TSGA10IP: variants seen among roughly 807,000 people sequenced by gnomAD.
The protein encoded by TSGA10IP is testis specific 10 interacting protein.
TSGA10IP carries 64 observed loss-of-function variants against 63.2 expected under a neutral mutation model. The observed-to-expected ratio is 1.01, with a 90% CI of 0.83 to 1.25. TSGA10IP has a LOEUF of 1.25. TSGA10IP is among the 50% of genes most tolerant of loss of function. The pLI is 0.00. For synonymous variants in TSGA10IP, 316 were observed against 298.3 expected (o/e 1.06, Z -0.61); for missense variants, 681 against 710.1 (o/e 0.96, Z 0.47).
At position 65,953,745 on chromosome 11, in the gene TSGA10IP, G is replaced by T; in HGVS notation, c.1322+8G>T. On this transcript the variant is annotated splice_region_variant and intron_variant, in intron 5 of 7. Transcript: ENST00000532620. ...CAAGCTGGAGGAGCTGAGGTAGGGA[G>T]CCTGGGCTTCGGGAGGCCTGGTTGG... 1.3e-6 allele frequency: 2 copies of T among 1,507,448 alleles called. No individual in the cohort carries two copies. The highest frequency in any genetic ancestry group is 1.8e-6 in the Non-Finnish European group (2 of 1,135,694). 93.4% of individuals were successfully genotyped at this position (1,507,448 alleles called of 1,614,324 possible). A position where few individuals can be genotyped will look rare whatever the true frequency, so the allele number is the denominator to read the frequency against.
At chr11:65,949,215 A>G (rs1854900331) in intron 4 of TSGA10IP, among the ~76,000 whole-genome samples, 1 of 152,082 alleles carries the variant, frequency 6.6e-6, no homozygotes, top group Admixed American at 6.6e-5. Flanking sequence ...AAAGCAAAGG[A>G]GACAGTGGGA....
chr11:65,947,164 G>C (rs1841557625), exon 3 of TSGA10IP: 1 of 1,610,940 alleles, frequency 6.2e-7, no homozygotes, highest in Non-Finnish European at 8.5e-7. Flanking sequence ...GGGCCTGGGA[G>C]AGCATCGCCA....
At position 65,952,124 on chromosome 11, in the gene TSGA10IP, G is replaced by A. The variant is rs534764955; in HGVS notation, c.1152-1443G>A. 1.6e-4 allele frequency among the ~76,000 whole-genome samples: 25 copies of A among 152,258 alleles called. No individual in the cohort carries two copies. The East Asian group carries it at 4.8e-3, about 29-fold the overall frequency. On this transcript the variant is annotated intron_variant, in intron 4 of 7. Transcript: ENST00000532620. ...CCGCCTTGGCCTCCCAAAGTGCTGG[G>A]ATTTCAGGCAACAGCCGTCGCGCCT...
intron 5 of TSGA10IP, among the ~76,000 whole-genome samples, chr11:65,955,421 C>T (rs573316777): frequency 1.3e-5 from 2 of 152,040 alleles, no homozygotes; most frequent in East Asian, 1.9e-4. Flanking sequence ...GCCTGGCCAA[C>T]GTAATGAAAC....
chr11:65,949,270 T>G (rs934873758), intron 4 of TSGA10IP, among the ~76,000 whole-genome samples: 14 of 151,998 alleles, frequency 9.2e-5, no homozygotes, highest in African/African-American at 3.1e-4. Flanking sequence ...TTGGCAACAC[T>G]GAGGTGAGGA....
chr11:65,948,513 T>C (rs1854886888), intron 4 of TSGA10IP, among the ~76,000 whole-genome samples: 3 of 152,310 alleles, frequency 2.0e-5, no homozygotes, highest in African/African-American at 4.8e-5. Context: ...ATATAACTAT[T>C]AAAAGACTTG....
Position 65,956,572 on chromosome 11 carries a change from G to C in TSGA10IP, c.1323-2311G>C, listed in dbSNP as rs142644086. 2.4e-3 allele frequency among the ~76,000 whole-genome samples: 360 copies of C among 151,652 alleles called. 2 individuals carry two copies. Among genetic ancestry groups the C allele is most frequent in the Admixed American group, 4.0e-3 (61 of 15,206 alleles). Reference sequence around the variant, plus strand: ...CTTCCCAATCTTGCTCTGTTGCCCAGGCTGGAGTGCAGTGGTGTGATCTCA... The same window carrying C: ...CTTCCCAATCTTGCTCTGTTGCCCACGCTGGAGTGCAGTGGTGTGATCTCA... On this transcript the variant is annotated intron_variant, in intron 5 of 7. Coordinates refer to ENST00000532620, the Ensembl canonical transcript of TSGA10IP.
At chr11:65,953,417 C>A in intron 4 of TSGA10IP, 150 bp from the exon 5 acceptor site, 1 of 1,087,886 alleles carries the variant, frequency 9.2e-7, no homozygotes, top group Non-Finnish European at 1.2e-6. Context: ...CTGTCATGGA[C>A]TTCCATGACA....
intron 4 of TSGA10IP, 31 bp from the exon 5 acceptor site, chr11:65,953,536 C>CCT: frequency 6.6e-7 from 1 of 1,522,516 alleles, no homozygotes; most frequent in Non-Finnish European, 8.8e-7. Flanking sequence ...TGCCCGTGAA[C>CCT]CTCTCATTCC....
chr11:65,947,122 T>G, exon 3 of TSGA10IP: 1 of 1,611,348 alleles, frequency 6.2e-7, no homozygotes, highest in Non-Finnish European at 8.5e-7. Flanking sequence ...ACTTCCCGCT[T>G]CTTCCTCGGA....
chr11:65,953,623 T>C, exon 5 of TSGA10IP: 1 of 1,587,054 alleles, frequency 6.3e-7, no homozygotes, highest in Non-Finnish European at 8.5e-7. Flanking sequence ...CAGGCCGAGC[T>C]GCGGCGGGCC....
intron 4 of TSGA10IP, among the ~76,000 whole-genome samples, chr11:65,953,030 C>CTTTTT (rs543769953): frequency 1.2e-4 from 16 of 133,646 alleles, no homozygotes; most frequent in East Asian, 6.4e-4. Context: ...TTCTTTCTTT[C>CTTTTT]TTTTTTTTTT....
chr11:65,947,473 G>C, exon 3 of TSGA10IP: 3 of 1,613,462 alleles, frequency 1.9e-6, no homozygotes, highest in East Asian at 2.2e-5. Context: ...AGCAGGTCCA[G>C]CTGCAAAGCC....
exon 8 of TSGA10IP, chr11:65,959,878 C>G: frequency 6.2e-7 from 1 of 1,608,494 alleles, no homozygotes; most frequent in Non-Finnish European, 8.5e-7. Flanking sequence ...AAGGACAGAA[C>G]CCACCGGCAG....
intron 1 of TSGA10IP, 121 bp downstream of exon 1, chr11:65,945,943 G>A (rs1591111110): frequency 1.6e-6 from 2 of 1,257,470 alleles, no homozygotes; most frequent in East Asian, 4.7e-5. Flanking sequence ...TGAAACTCAG[G>A]GAGGCAGGAG....
At chr11:65,947,952 T>G in intron 3 of TSGA10IP, 49 bp from the exon 4 acceptor site, 1 of 1,532,882 alleles carries the variant, frequency 6.5e-7, no homozygotes, top group Non-Finnish European at 8.8e-7. Flanking sequence ...CGTTGCCTGG[T>G]GGGCTGAGAG....
At chr11:65,951,769 C>G (rs1047235708) in intron 4 of TSGA10IP, among the ~76,000 whole-genome samples, 1 of 151,308 alleles carries the variant, frequency 6.6e-6, no homozygotes, top group African/African-American at 2.4e-5. Flanking sequence ...CTGGTCTCAA[C>G]CCCTGGCTTC....
rs775865068 is a variant in TSGA10IP, at chr11:65,946,946, C to T, written c.214C>T (p.Gln72Ter). Residue 72 changes from glutamine (Q) to a stop codon, truncating the protein, a stop_gained, in exon 2 of 8, where the codon CAG becomes TAG. Transcript: ENST00000532620. LOFTEE classifies it high-confidence loss of function. ...GCAGCAGAGGTCTCAGAGCTCAAGG[C>T]AGACAGCAAAGAAGGACCGCAAGCC... is the stretch of plus-strand genomic sequence containing the variant. The T allele has an allele frequency of 6.2e-7, 1 of 1,613,950 alleles. No individual in the cohort carries two copies. Among genetic ancestry groups the T allele is most frequent in the Non-Finnish European group, 8.5e-7 (1 of 1,179,882 alleles).
intron 5 of TSGA10IP, among the ~76,000 whole-genome samples, chr11:65,957,351 A>G (rs1855041764): frequency 1.3e-5 from 2 of 152,134 alleles, no homozygotes; most frequent in African/African-American, 2.4e-5. Flanking sequence ...GGGTTTCACC[A>G]TGTTGGCCAG....
Sources: gnomAD v4.1 joint callset for allele counts (sites outside exome capture counted in the v4.1 genomes callset) on GRCh38, gnomAD v4.1.1 for gene constraint, MANE v1.5 for transcripts, NCBI Gene and HGNC (gene_info 2026-07-23, HGNC 2026-07-21) for gene names.